ABI3BP: variants seen among roughly 807,000 people sequenced by gnomAD.
The protein encoded by ABI3BP is target of Nesh-SH3.
A neutral mutation model predicts 268.6 loss-of-function variants in ABI3BP; 216 were observed. The ratio of observed to expected loss-of-function variants is 0.80; its 90% CI spans 0.72 to 0.90. The LOEUF (loss-of-function observed/expected upper bound fraction) is 0.90, where lower values mean the gene tolerates loss of function less well. Among genes scored for constraint, ABI3BP ranks in the 40% least tolerant of loss-of-function variants. ABI3BP has a pLI of 0.00. For missense variants in ABI3BP, 2,090 were observed against 2,182.4 expected (o/e 0.96, Z 0.84); for synonymous variants, 730 against 730.0 (o/e 1.00, Z 0.00).
chr3:100,770,965 G>A lies in ABI3BP; in HGVS notation c.4532-13C>T, dbSNP rs781424964. On this transcript the variant is annotated splice_polypyrimidine_tract_variant and intron_variant, in intron 61 of 67. Coordinates refer to ENST00000471714, the MANE Select transcript of ABI3BP (RefSeq NM_001375547.2). ...CGCACATGAGGTCCTACGAGAGAGA[G>A]GACCCTTGACATTTAACATTTTTGA... The A allele has an allele frequency of 6.6e-7, 1 of 1,520,916 alleles. No individual in the cohort carries two copies. The highest frequency in any genetic ancestry group is 2.5e-5 in the East Asian group (1 of 40,780). The allele number at this position is 1,520,916 out of a possible 1,614,324, so 94.2% of individuals were successfully genotyped here.
At chr3:100,794,869 G>A in intron 54 of ABI3BP, 54 bp downstream of exon 54, 3 of 1,339,784 alleles carry the variant, frequency 2.2e-6, no homozygotes, top group South Asian at 1.3e-5. Flanking sequence ...GTTACTTTAA[G>A]GGAAATTCCT....
chr3:100,956,712 G>C (rs2076974781), intron 1 of ABI3BP, among the ~76,000 whole-genome samples: 1 of 152,184 alleles, frequency 6.6e-6, no homozygotes, highest in Non-Finnish European at 1.5e-5. Context: ...GTCAAGGTGG[G>C]AAGGGGCACA....
intron 4 of ABI3BP, among the ~76,000 whole-genome samples, chr3:100,894,735 C>CA (rs1561376405): frequency 6.6e-6 from 1 of 151,712 alleles, no homozygotes; most frequent in East Asian, 1.9e-4. Flanking sequence ...GTCAGGAGAT[C>CA]AAGAACATCC....
intron 14 of ABI3BP, among the ~76,000 whole-genome samples, chr3:100,854,642 T>C (rs576112518): frequency 2.0e-5 from 3 of 152,350 alleles, no homozygotes; most frequent in Admixed American, 2.0e-4. Context: ...CTATGCTTAT[T>C]GTAGTGGGTG....
chr3:100,885,224 T>TAAATAA (rs2041398563), intron 6 of ABI3BP, among the ~76,000 whole-genome samples: 1 of 152,078 alleles, frequency 6.6e-6, no homozygotes, highest in African/African-American at 2.4e-5. Flanking sequence ...CAATTTGCTC[T>TAAATAA]TGAAACATTA....
In ABI3BP at chr3:100,749,615, A is replaced by C. The variant is rs958874327; in HGVS notation, c.*880T>G. ...TCATTCATAGAGGTCTTAACGTATA[A>C]ATACATAGTAAATATCCTATAAAAT... On this transcript the variant is annotated 3_prime_UTR_variant, in exon 68 of 68. Transcript: ENST00000471714. 5 of 398,260 alleles carry C rather than the reference A, an allele frequency of 1.3e-5. No individual in the cohort carries two copies. Among genetic ancestry groups the C allele is most frequent in the African/African-American group, 2.1e-5 (1 of 48,564 alleles). The allele number at this position is 398,260 out of a possible 1,614,324, so 24.7% of individuals were successfully genotyped here.
intron 57 of ABI3BP, among the ~76,000 whole-genome samples, chr3:100,783,824 G>A (rs889155078): frequency 6.6e-6 from 1 of 152,172 alleles, no homozygotes; most frequent in African/African-American, 2.4e-5. Flanking sequence ...ACAGAAACAG[G>A]CAGTGAGCCA....
chr3:100,808,374 G>A (rs2097768647), intron 49 of ABI3BP, 139 bp from the exon 50 acceptor site: 1 of 519,342 alleles, frequency 1.9e-6, no homozygotes, highest in South Asian at 4.2e-5. Context: ...GATCTGCAAA[G>A]TATAGGAAGG....
intron 4 of ABI3BP, among the ~76,000 whole-genome samples, chr3:100,890,399 C>A (rs117594870): frequency 1.3e-5 from 2 of 151,952 alleles, no homozygotes; most frequent in Non-Finnish European, 1.5e-5. Context: ...TCTCTTTGTC[C>A]CACTCTGATT....
intron 1 of ABI3BP, among the ~76,000 whole-genome samples, chr3:100,931,825 A>G (rs1189901844): frequency 6.6e-6 from 1 of 152,012 alleles, no homozygotes; most frequent in East Asian, 1.9e-4. Flanking sequence ...ACTACGAATG[A>G]CATTTTTTTC....
At chr3:100,934,841 A>C (rs7426715) in intron 1 of ABI3BP, among the ~76,000 whole-genome samples, 91,492 of 151,592 alleles carry the variant, frequency 0.6, 28,213 homozygotes, top group East Asian at 0.91. Flanking sequence ...GTTTTCTTGT[A>C]AATTTGTTTA....
chr3:100,936,347 G>A (rs565215069), intron 1 of ABI3BP, among the ~76,000 whole-genome samples: 1 of 152,256 alleles, frequency 6.6e-6, no homozygotes, highest in South Asian at 2.1e-4. Context: ...TGGTGGATAA[G>A]CTTTTTGATG....
At chr3:100,862,419 T>C (rs1468985715) in intron 13 of ABI3BP, 34 bp from the exon 14 acceptor site, 3 of 825,908 alleles carry the variant, frequency 3.6e-6, no homozygotes, top group Admixed American at 1.0e-4. Flanking sequence ...TGCTGAAGAT[T>C]TTTTTTTTTT....
intron 55 of ABI3BP, among the ~76,000 whole-genome samples, chr3:100,792,429 G>T (rs1386887295): frequency 6.6e-6 from 1 of 151,448 alleles, no homozygotes; most frequent in African/African-American, 2.4e-5. Context: ...GGAAAAAATG[G>T]GATCTTCCAC....
intron 2 of ABI3BP, 34 bp downstream of exon 2, chr3:100,926,268 C>A: frequency 2.5e-6 from 4 of 1,607,656 alleles, no homozygotes; most frequent in Non-Finnish European, 3.4e-6. Flanking sequence ...CTCTTACCTC[C>A]TTTCCTTCCC....
chr3:100,928,906 T>A (rs569992205), intron 1 of ABI3BP, among the ~76,000 whole-genome samples: 389 of 152,194 alleles, frequency 2.6e-3, no homozygotes, highest in Middle Eastern at 0.01. Flanking sequence ...TGCCAACTGC[T>A]AGTGTTTTGT....
rs1234492957 is a variant in ABI3BP, at chr3:100,749,790, AT to A, written c.*704del. 3 of 397,910 alleles carry A rather than the reference AT, an allele frequency of 7.5e-6. No individual in the cohort carries two copies. Among genetic ancestry groups the A allele is most frequent in the Non-Finnish European group, 8.9e-6 (2 of 225,608 alleles). The allele number at this position is 397,910 out of a possible 1,614,324, so 24.6% of individuals were successfully genotyped here. ...ACAAAGCATATTCAGATATTGTAAC[AT>A]TTATGGTGGGTAAAAATGTATCTTT... On this transcript the variant is annotated 3_prime_UTR_variant, in exon 68 of 68. Transcript: ENST00000471714.
In ABI3BP at chr3:100,822,585, T is replaced by A; in HGVS notation, c.2887+4A>T. On this transcript the variant is annotated splice_donor_region_variant and intron_variant, in intron 38 of 67. Coordinates refer to ENST00000471714, the MANE Select transcript of ABI3BP (RefSeq NM_001375547.2). ...ACTCTTTAAACCAGGAACACATAGT[T>A]TACCTGGTTTGGATTCAGGTGCTTC... The A allele has an allele frequency of 6.5e-7, 1 of 1,535,548 alleles. No individual in the cohort carries two copies. The highest frequency in any genetic ancestry group is 8.7e-7 in the Non-Finnish European group (1 of 1,146,074).
chr3:100,783,232 C>T (rs2096921237), intron 57 of ABI3BP, among the ~76,000 whole-genome samples: 1 of 152,140 alleles, frequency 6.6e-6, no homozygotes, highest in Non-Finnish European at 1.5e-5. Flanking sequence ...GGGCAGGGAG[C>T]CAGCAGGCTG....
Sources: allele counts gnomAD v4.1 joint callset (sites outside exome capture counted in the v4.1 genomes callset), GRCh38; gene constraint gnomAD v4.1.1; transcripts MANE v1.5; gene names NCBI Gene and HGNC (gene_info 2026-07-23, HGNC 2026-07-21).